The following NRXN3 variants were observed in gnomAD, a reference collection of about 807,000 sequenced individuals.
The protein encoded by NRXN3 is neurexin III.
A neutral mutation model predicts 137.6 loss-of-function variants in NRXN3; 32 were observed. The observed-to-expected ratio is 0.23, with a 90% CI of 0.18 to 0.31. The LOEUF is 0.31. Ranked by LOEUF, NRXN3 falls within the 10% of genes least tolerant of loss-of-function variation. The pLI, the probability that NRXN3 is intolerant of heterozygous loss-of-function variation, is 1.00. For missense variants in NRXN3, 1,574 were observed against 2,062.5 expected (o/e 0.76, Z 4.59); for synonymous variants, 798 against 784.5 (o/e 1.02, Z -0.29).
chr14:79,464,637 G>A (rs561292683), intron 15 of NRXN3, among the ~76,000 whole-genome samples: 2 of 152,212 alleles, frequency 1.3e-5, no homozygotes, highest in African/African-American at 4.8e-5. Flanking sequence ...TTTTCATTCT[G>A]CTTTAGTCTG....
intron 15 of NRXN3, among the ~76,000 whole-genome samples, chr14:79,333,027 G>GC (rs1040916148): frequency 1.3e-5 from 2 of 151,974 alleles, no homozygotes; most frequent in African/African-American, 4.8e-5. Flanking sequence ...GCACTCCCCT[G>GC]CACCCCCCTG....
At chr14:78,479,725 T>C (rs922682532) in intron 4 of NRXN3, among the ~76,000 whole-genome samples, 1 of 152,204 alleles carries the variant, frequency 6.6e-6, no homozygotes, top group Non-Finnish European at 1.5e-5. Context: ...TTATTTTATA[T>C]AAGTTGAATG....
chr14:79,663,798 T>G lies in NRXN3; in HGVS notation c.3465T>G (p.Val1155=), dbSNP rs1476342435. 1 of 1,612,850 alleles carries G rather than the reference T, an allele frequency of 6.2e-7. No individual in the cohort carries two copies. The highest frequency in any genetic ancestry group is 8.5e-7 in the Non-Finnish European group (1 of 1,179,440). The change falls in exon 17 of 21, where the codon GTT becomes GTG. Residue 1155 remains valine, a synonymous_variant. Coordinates refer to ENST00000335750, the MANE Select transcript of NRXN3 (RefSeq NM_001330195.2). ...QLHIEQGKIG[V]VFNIGTVDIS... The stretch of plus-strand genomic sequence containing the variant: ...TATAGGAACAGGGGAAAATTGGAGT[T>G]GTCTTCAACATTGGCACAGTTGACA...
chr14:78,484,169 A>T (rs1405886884), intron 4 of NRXN3, among the ~76,000 whole-genome samples: 1 of 152,200 alleles, frequency 6.6e-6, no homozygotes, highest in Non-Finnish European at 1.5e-5. Context: ...ATAATACACT[A>T]GTGCCACAGA....
At chr14:79,742,006 T>C (rs983313150) in intron 19 of NRXN3, among the ~76,000 whole-genome samples, 30 of 152,204 alleles carry the variant, frequency 2.0e-4, no homozygotes, top group Admixed American at 2.0e-3. Flanking sequence ...AATATCCTTA[T>C]ACATATTTGT....
chr14:79,635,921 G>A (rs141803306), intron 16 of NRXN3, among the ~76,000 whole-genome samples: 19 of 152,184 alleles, frequency 1.2e-4, no homozygotes, highest in African/African-American at 4.6e-4. Flanking sequence ...GAGATCTCAT[G>A]AGAACTCACT....
intron 4 of NRXN3, among the ~76,000 whole-genome samples, chr14:78,526,545 A>G (rs2096382472): frequency 1.3e-5 from 2 of 151,950 alleles, no homozygotes; most frequent in South Asian, 2.1e-4. Context: ...TAAATGTTTC[A>G]TGTACTTTCT....
intron 15 of NRXN3, among the ~76,000 whole-genome samples, chr14:79,403,007 G>T (rs2095242384): frequency 6.6e-6 from 1 of 152,188 alleles, no homozygotes; most frequent in Non-Finnish European, 1.5e-5. Flanking sequence ...CTGTGGGATG[G>T]TAGGGTTATC....
intron 10 of NRXN3, among the ~76,000 whole-genome samples, chr14:78,945,686 C>T (rs31441): frequency 4.6e-5 from 7 of 152,044 alleles, no homozygotes; most frequent in African/African-American, 1.2e-4. Flanking sequence ...TGTGTTAGTC[C>T]GCTCTGCTCA....
chr14:78,322,755 T>C (rs1169265827), intron 4 of NRXN3, among the ~76,000 whole-genome samples: 1 of 152,014 alleles, frequency 6.6e-6, no homozygotes, highest in Admixed American at 6.5e-5. Flanking sequence ...GGTGCCGTCT[T>C]ATCTCTGCTC....
intron 16 of NRXN3, among the ~76,000 whole-genome samples, chr14:79,569,016 C>T (rs974414555): frequency 2.6e-5 from 4 of 151,812 alleles, no homozygotes; most frequent in Non-Finnish European, 4.4e-5. Flanking sequence ...CATGTGATTG[C>T]GGCTCTTAGA....
At chr14:78,221,713 A>G (rs2063871431) in intron 1 of NRXN3, among the ~76,000 whole-genome samples, 1 of 152,066 alleles carries the variant, frequency 6.6e-6, no homozygotes, top group Admixed American at 6.5e-5. Context: ...TAGGTTGTTC[A>G]TAGTTGGGGT....
intron 15 of NRXN3, among the ~76,000 whole-genome samples, chr14:79,100,710 T>C (rs931500982): frequency 6.6e-6 from 1 of 152,186 alleles, no homozygotes; most frequent in Non-Finnish European, 1.5e-5. Context: ...TTGATGATAG[T>C]ATTGTCACTT....
intron 4 of NRXN3, among the ~76,000 whole-genome samples, chr14:78,386,060 G>A (rs149829678): frequency 3.2e-3 from 12 of 3,716 alleles, no homozygotes; most frequent in Non-Finnish European, 0.028. Context: ...AAACAAAAGA[G>A]CAAAAAAAGT....
chr14:79,511,817 C>T (rs946358961), intron 16 of NRXN3, among the ~76,000 whole-genome samples: 46 of 152,290 alleles, frequency 3.0e-4, no homozygotes, highest in Admixed American at 2.0e-3. Flanking sequence ...TGTTAAAAAA[C>T]ATTATTAAAC....
chr14:78,661,649 T>C (rs1242084529), intron 6 of NRXN3, among the ~76,000 whole-genome samples: 1 of 152,226 alleles, frequency 6.6e-6, no homozygotes, highest in Non-Finnish European at 1.5e-5. Flanking sequence ...AGGTAACAGT[T>C]CTGCAGTATA....
intron 15 of NRXN3, among the ~76,000 whole-genome samples, chr14:79,434,996 CA>C (rs1329140706): frequency 6.6e-6 from 1 of 152,180 alleles, no homozygotes. Context: ...GGACTTCCAA[CA>C]TCTGGAGGAT....
chr14:78,758,687 G>A (rs1019482558), intron 8 of NRXN3, among the ~76,000 whole-genome samples: 4 of 152,164 alleles, frequency 2.6e-5, no homozygotes, highest in African/African-American at 7.2e-5. Context: ...TACAACAACA[G>A]CGTACTATTA....
rs139295260 is a variant in NRXN3 at position 78,300,970 on chromosome 14, G to T, written c.757+3110G>T. 7.8e-4 allele frequency among the ~76,000 whole-genome samples: 118 copies of T among 152,214 alleles called. No homozygotes were observed. The East Asian group carries it at 0.019, about 25-fold the overall frequency. ...TTGTACTCTTTCTATCAGGAACGGGGGAGGGTGTTCTAAGATCCCCTCCCA... is the reference window on the plus strand; with the variant it reads ...TTGTACTCTTTCTATCAGGAACGGGTGAGGGTGTTCTAAGATCCCCTCCCA... On this transcript the variant is annotated intron_variant, in intron 4 of 20. Transcript: ENST00000335750.
Sources: allele counts gnomAD v4.1 joint callset (sites outside exome capture counted in the v4.1 genomes callset), GRCh38; gene constraint gnomAD v4.1.1; transcripts MANE v1.5; gene names NCBI Gene and HGNC (gene_info 2026-07-23, HGNC 2026-07-21).